The following NEGR1 variants were observed in gnomAD, a reference collection of about 807,000 sequenced individuals.
The protein encoded by NEGR1 is neuronal growth regulator 1, also known as IgLON family member 4.
Under a neutral mutation model 40.9 loss-of-function variants are expected in NEGR1, and 10 were observed. That is an observed-to-expected ratio of 0.24 (90% CI 0.15 to 0.42). The LOEUF (loss-of-function observed/expected upper bound fraction) is 0.42, where lower values mean the gene tolerates loss of function less well. Ranked by LOEUF, NEGR1 falls within the 10% of genes least tolerant of loss-of-function variation. The probability of loss-of-function intolerance (pLI) is 1.00; values close to 1 mark genes in which losing one functional copy is unlikely to be tolerated. For missense variants in NEGR1, 352 were observed against 438.9 expected, an observed-to-expected ratio of 0.80 and a Z score of 1.77; for synonymous variants, 185 against 166.8, an observed-to-expected ratio of 1.11 and a Z score of -0.84.
chr1:71,730,877 C>CGTGTGTGT (rs59873481), intron 3 of NEGR1, among the ~76,000 whole-genome samples: 58 of 130,068 alleles, frequency 4.5e-4, no homozygotes, highest in East Asian at 1.4e-3. Flanking sequence ...GTGAAGCATT[C>CGTGTGTGT]GTGTGTGTGT....
intron 1 of NEGR1, among the ~76,000 whole-genome samples, chr1:72,168,773 G>T (rs182963140): frequency 2.7e-4 from 41 of 152,204 alleles, no homozygotes; most frequent in Non-Finnish European, 2.8e-4. Flanking sequence ...GGTGGCTTGC[G>T]CCTGTAGTCC....
Position 71,553,353 on chromosome 1 carries a change from C to T in NEGR1, c.940+39464G>A, listed in dbSNP as rs1244979660. 3.3e-5 allele frequency among the ~76,000 whole-genome samples: 5 copies of T among 151,466 alleles called. No individual in the cohort carries two copies. The Admixed American group carries it at 3.3e-4, about 10-fold the overall frequency. ...TCTCTCTGGTATCAAAGTATTAATGCCTGAATTAATTTTCAACTTATAACT... is the reference window on the plus strand; with the variant it reads ...TCTCTCTGGTATCAAAGTATTAATGTCTGAATTAATTTTCAACTTATAACT... On this transcript the variant is annotated intron_variant, in intron 6 of 6. Coordinates refer to ENST00000357731, the MANE Select transcript of NEGR1 (RefSeq NM_173808.3).
At chr1:71,545,226 A>T (rs1647853433) in intron 6 of NEGR1, among the ~76,000 whole-genome samples, 1 of 151,652 alleles carries the variant, frequency 6.6e-6, no homozygotes, top group Admixed American at 6.6e-5. Context: ...CCCATATTTG[A>T]AATTCAGGAT....
intron 1 of NEGR1, among the ~76,000 whole-genome samples, chr1:72,149,673 G>A (rs1425472272): frequency 4.6e-5 from 7 of 151,464 alleles, no homozygotes; most frequent in African/African-American, 1.2e-4. Flanking sequence ...ACCTGAAGTC[G>A]GGAGTTCGAG....
intron 4 of NEGR1, among the ~76,000 whole-genome samples, chr1:71,630,991 C>T (rs1650952298): frequency 1.3e-5 from 2 of 151,986 alleles, no homozygotes; most frequent in South Asian, 4.1e-4. Context: ...ATTATTATAA[C>T]TAGCATGTGC....
At chr1:72,088,262 G>A (rs1648303580) in intron 1 of NEGR1, among the ~76,000 whole-genome samples, 1 of 151,996 alleles carries the variant, frequency 6.6e-6, no homozygotes, top group Admixed American at 6.5e-5. Context: ...GAAAGGCAAA[G>A]TGTCAGCTCT....
chr1:71,894,604 A>G (rs921418842), intron 2 of NEGR1, among the ~76,000 whole-genome samples: 2 of 152,228 alleles, frequency 1.3e-5, no homozygotes, highest in East Asian at 3.9e-4. Flanking sequence ...AATCCAATCA[A>G]GACTCCAGGC....
intron 1 of NEGR1, among the ~76,000 whole-genome samples, chr1:72,258,824 T>C (rs1230526409): frequency 1.3e-5 from 2 of 152,072 alleles, no homozygotes; most frequent in South Asian, 4.1e-4. Context: ...CAATTGCTTT[T>C]TTATTTTCAT....
chr1:72,168,010 T>TA (rs1553147305), intron 1 of NEGR1, among the ~76,000 whole-genome samples: 1 of 145,920 alleles, frequency 6.9e-6, no homozygotes, highest in African/African-American at 2.6e-5. Flanking sequence ...TTATTATTTT[T>TA]TTTTTTTTTT....
chr1:71,640,370 C>T (rs1313909933), intron 4 of NEGR1, among the ~76,000 whole-genome samples: 12 of 152,020 alleles, frequency 7.9e-5, no homozygotes, highest in Admixed American at 7.9e-4. Flanking sequence ...ACAAAGGATG[C>T]ATTGATATCT....
chr1:71,980,120 GAGATATGTGC>G (rs1453527306), intron 1 of NEGR1, among the ~76,000 whole-genome samples: 1 of 152,088 alleles, frequency 6.6e-6, no homozygotes, highest in East Asian at 1.9e-4. Flanking sequence ...TAGAAAAATG[GAGATATGTGC>G]AGACAGAAAT....
intron 1 of NEGR1, among the ~76,000 whole-genome samples, chr1:72,053,178 T>C (rs1410616548): frequency 6.6e-6 from 1 of 151,366 alleles, no homozygotes; most frequent in East Asian, 1.9e-4. Flanking sequence ...GTTTCAGGAA[T>C]GAATAAATGC....
intron 6 of NEGR1, among the ~76,000 whole-genome samples, chr1:71,410,483 G>C (rs917736453): frequency 6.6e-6 from 1 of 151,874 alleles, no homozygotes; most frequent in African/African-American, 2.4e-5. Flanking sequence ...TAAATAAATA[G>C]GTAAATACAG....
intron 4 of NEGR1, among the ~76,000 whole-genome samples, chr1:71,652,076 A>T (rs1366970644): frequency 2.0e-5 from 3 of 152,224 alleles, no homozygotes. Flanking sequence ...AGAAAGGATA[A>T]GCAACATACC....
chr1:72,230,234 C>T (rs925084773), intron 1 of NEGR1, among the ~76,000 whole-genome samples: 11 of 152,086 alleles, frequency 7.2e-5, no homozygotes, highest in Admixed American at 7.2e-4. Flanking sequence ...TTTTAATCCA[C>T]TTAAGTTAGT....
intron 6 of NEGR1, among the ~76,000 whole-genome samples, chr1:71,490,557 A>C (rs1387665125): frequency 1.3e-5 from 2 of 151,942 alleles, no homozygotes; most frequent in Non-Finnish European, 2.9e-5. Flanking sequence ...AACAGTCTAA[A>C]CCATTCTATG....
intron 6 of NEGR1, among the ~76,000 whole-genome samples, chr1:71,501,241 C>T (rs1010398300): frequency 6.6e-6 from 1 of 151,974 alleles, no homozygotes; most frequent in Non-Finnish European, 1.5e-5. Context: ...AATAACTTGG[C>T]ATATATACGC....
chr1:72,116,969 T>C (rs1649605022), intron 1 of NEGR1, among the ~76,000 whole-genome samples: 1 of 151,772 alleles, frequency 6.6e-6, no homozygotes, highest in African/African-American at 2.4e-5. Flanking sequence ...CCTCTGAGAA[T>C]GTGTCTTATC....
intron 1 of NEGR1, among the ~76,000 whole-genome samples, chr1:72,128,206 T>TA (rs926446262): frequency 1.8e-4 from 28 of 152,204 alleles, no homozygotes; most frequent in African/African-American, 5.3e-4. Flanking sequence ...TGTAAAAATA[T>TA]AAAAAAACTA....
Sources: gnomAD v4.1 joint callset for allele counts (sites outside exome capture counted in the v4.1 genomes callset) on GRCh38, gnomAD v4.1.1 for gene constraint, MANE v1.5 for transcripts, NCBI Gene and HGNC (gene_info 2026-07-23, HGNC 2026-07-21) for gene names.